The following EPHA3 variants were observed in gnomAD, a reference collection of about 807,000 sequenced individuals.
The protein encoded by EPHA3 is ephrin type-A receptor 3.
EPHA3 carries 42 observed loss-of-function variants against 107.1 expected under a neutral mutation model. The ratio of observed to expected loss-of-function variants is 0.39; its 90% confidence interval spans 0.31 to 0.51. EPHA3 has a LOEUF of 0.51. EPHA3 is among the 20% of genes least tolerant of loss of function. The pLI is 0.78. For synonymous variants in EPHA3, 461 were observed against 424.8 expected (o/e 1.09, Z -1.05); for missense variants, 1,183 against 1,211.2 (o/e 0.98, Z 0.35).
chr3:89,246,095 A>T (rs1452788285), intron 3 of EPHA3, among the ~76,000 whole-genome samples: 1 of 152,186 alleles, frequency 6.6e-6, no homozygotes, highest in Non-Finnish European at 1.5e-5. Context: ...CTGACTATTC[A>T]AAGGGAAATC....
chr3:89,220,906 TG>T (rs1245528077), intron 3 of EPHA3, among the ~76,000 whole-genome samples: 1 of 152,216 alleles, frequency 6.6e-6, no homozygotes, highest in African/African-American at 2.4e-5. Context: ...AGCATGTGAC[TG>T]AGCTTGGCAC....
At chr3:89,370,874 C>T (rs902677761) in intron 5 of EPHA3, among the ~76,000 whole-genome samples, 2 of 151,460 alleles carry the variant, frequency 1.3e-5, no homozygotes, top group Non-Finnish European at 3.0e-5. Flanking sequence ...TAAGAAGTTG[C>T]TAAGACTTGA....
chr3:89,411,833 T>C (rs1311485490), intron 9 of EPHA3, among the ~76,000 whole-genome samples: 1 of 151,878 alleles, frequency 6.6e-6, no homozygotes, highest in Non-Finnish European at 1.5e-5. Context: ...AAAGAAACGA[T>C]TGGTTCACGC....
intron 5 of EPHA3, among the ~76,000 whole-genome samples, chr3:89,370,432 T>G (rs1307261878): frequency 6.6e-6 from 1 of 151,158 alleles, no homozygotes; most frequent in Non-Finnish European, 1.5e-5. Flanking sequence ...CCGCATGTTC[T>G]CACTCATAGG....
chr3:89,212,817 T>A (rs1381972994), intron 3 of EPHA3, among the ~76,000 whole-genome samples: 1 of 152,074 alleles, frequency 6.6e-6, no homozygotes, highest in Non-Finnish European at 1.5e-5. Flanking sequence ...TTTGTTGCTC[T>A]GTGCTTTATC....
chr3:89,233,527 C>G (rs1243712294), intron 3 of EPHA3, among the ~76,000 whole-genome samples: 1 of 152,196 alleles, frequency 6.6e-6, no homozygotes, highest in African/African-American at 2.4e-5. Context: ...ACCTCCCCTG[C>G]TGAGCCAGAC....
chr3:89,289,909 G>A (rs1706173007), intron 3 of EPHA3, among the ~76,000 whole-genome samples: 1 of 152,110 alleles, frequency 6.6e-6, no homozygotes, highest in African/African-American at 2.4e-5. Flanking sequence ...GTTGAGTGAA[G>A]CCATTGTGGG....
intron 13 of EPHA3, among the ~76,000 whole-genome samples, chr3:89,443,666 T>C (rs1709825740): frequency 6.6e-6 from 1 of 152,190 alleles, no homozygotes; most frequent in Non-Finnish European, 1.5e-5. Context: ...CGTGCTTTTT[T>C]GCAAGCAACA....
chr3:89,134,257 G>A (rs1353293270), intron 2 of EPHA3, among the ~76,000 whole-genome samples: 4 of 150,522 alleles, frequency 2.7e-5, no homozygotes, highest in African/African-American at 9.8e-5. Context: ...TAGGGTACAT[G>A]AGCACAACGT....
intron 3 of EPHA3, among the ~76,000 whole-genome samples, chr3:89,250,973 TAGAA>T (rs751614322): frequency 2.6e-5 from 4 of 152,158 alleles, no homozygotes; most frequent in African/African-American, 7.2e-5. Flanking sequence ...GCTGTGTAAT[TAGAA>T]AGGATTAACA....
intron 3 of EPHA3, among the ~76,000 whole-genome samples, chr3:89,241,417 C>A (rs1259808958): frequency 6.6e-6 from 1 of 152,140 alleles, no homozygotes; most frequent in Non-Finnish European, 1.5e-5. Flanking sequence ...TGATGATTTT[C>A]TTATATTTTA....
intron 5 of EPHA3, among the ~76,000 whole-genome samples, chr3:89,356,577 C>A (rs1295919055): frequency 6.6e-6 from 1 of 151,142 alleles, no homozygotes; most frequent in Non-Finnish European, 1.5e-5. Context: ...GCTTAGGCCC[C>A]AAGTTTTTTT....
intron 3 of EPHA3, among the ~76,000 whole-genome samples, chr3:89,221,460 T>C (rs528870106): frequency 2.0e-5 from 3 of 152,322 alleles, no homozygotes; most frequent in Admixed American, 1.3e-4. Context: ...GCCTTCTAAA[T>C]AGTAAACTCA....
chr3:89,435,773 T>G (rs1266996031), intron 13 of EPHA3, among the ~76,000 whole-genome samples: 1 of 150,006 alleles, frequency 6.7e-6, no homozygotes, highest in Non-Finnish European at 1.5e-5. Context: ...GCCAACATGG[T>G]GAAACCCCGT....
intron 10 of EPHA3, among the ~76,000 whole-genome samples, chr3:89,415,687 T>C (rs1709233071): frequency 6.6e-6 from 1 of 151,146 alleles, no homozygotes. Context: ...CTAATTTTAC[T>C]CCTCAATCCA....
At chr3:89,260,492 T>C (rs536398751) in intron 3 of EPHA3, among the ~76,000 whole-genome samples, 50 of 152,310 alleles carry the variant, frequency 3.3e-4, no homozygotes, top group Non-Finnish European at 7.1e-4. Flanking sequence ...TTTGGAGATA[T>C]GCCTGTTTTG....
At chr3:89,157,479 G>A (rs1197649226) in intron 2 of EPHA3, among the ~76,000 whole-genome samples, 1 of 151,908 alleles carries the variant, frequency 6.6e-6, no homozygotes, top group Non-Finnish European at 1.5e-5. Context: ...AAACGAAGAG[G>A]AACAAGGAGC....
intron 3 of EPHA3, among the ~76,000 whole-genome samples, chr3:89,340,197 A>G (rs560371994): frequency 6.6e-6 from 1 of 152,346 alleles, no homozygotes; most frequent in East Asian, 1.9e-4. Flanking sequence ...ATGCAGAGAT[A>G]TGGCCAGAAA....
intron 3 of EPHA3, among the ~76,000 whole-genome samples, chr3:89,239,437 T>A (rs976301851): frequency 3.3e-5 from 5 of 152,156 alleles, no homozygotes; most frequent in Non-Finnish European, 7.4e-5. Flanking sequence ...ATGACAATAA[T>A]AATAATAATA....
Sources: gnomAD v4.1 joint callset for allele counts (sites outside exome capture counted in the v4.1 genomes callset) on GRCh38, gnomAD v4.1.1 for gene constraint, MANE v1.5 for transcripts, NCBI Gene and HGNC (gene_info 2026-07-23, HGNC 2026-07-21) for gene names.